The following PIK3R5 variants were observed in gnomAD, a reference collection of about 807,000 sequenced individuals.
The protein encoded by PIK3R5 is phosphoinositide 3-kinase regulatory subunit 5.
PIK3R5 carries 32 observed loss-of-function variants against 94.9 expected under a neutral mutation model. That is an observed-to-expected ratio of 0.34 (90% CI 0.25 to 0.45). The LOEUF (loss-of-function observed/expected upper bound fraction) is 0.45. PIK3R5 is among the 20% of genes least tolerant of loss of function. The pLI is 1.00. For synonymous variants in PIK3R5, 443 were observed against 479.4 expected (o/e 0.92, Z 0.99); for missense variants, 853 against 1,144.6 (o/e 0.75, Z 3.68).
Position 8,956,824 on chromosome 17 carries a change from G to A in PIK3R5, c.-14+8772C>T, listed in dbSNP as rs554858548. Among the ~76,000 whole-genome samples, 133 of 152,304 alleles carry A rather than the reference G, an allele frequency of 8.7e-4. 1 individual carries two copies. Among genetic ancestry groups the A allele is most frequent in the African/African-American group, 2.9e-3 (120 of 41,556 alleles). On this transcript the variant is annotated intron_variant, in intron 1 of 18. Coordinates refer to ENST00000447110, the MANE Select transcript of PIK3R5 (RefSeq NM_001142633.3). The stretch of plus-strand genomic sequence containing the variant: ...CCAAGATCTTATCTGGGACACTCAC[G>A]GAGGAAGGCAATTTTGAAATGGTGT...
Position 8,921,476 on chromosome 17 carries a change from G to A in PIK3R5, c.-13-9969C>T, listed in dbSNP as rs187042530. On this transcript the variant is annotated intron_variant, in intron 1 of 18. Transcript: ENST00000447110. ...GCATAATTCATAATTTTTCACCCTC[G>A]AAATGTTCATAGAAACCCAAGAAAA... is the stretch of plus-strand genomic sequence containing the variant. Among the ~76,000 whole-genome samples, 5 of 152,036 alleles carry A rather than the reference G, an allele frequency of 3.3e-5. No individual in the cohort carries two copies. The East Asian group carries it at 5.8e-4, about 18-fold the overall frequency.
chr17:8,950,751 T>C (rs1383628491), intron 1 of PIK3R5, among the ~76,000 whole-genome samples: 2 of 152,222 alleles, frequency 1.3e-5, no homozygotes, highest in African/African-American at 2.4e-5. Flanking sequence ...AGTGGGGTGA[T>C]GAACACATGT....
At chr17:8,950,065 T>C (rs2091349495) in intron 1 of PIK3R5, among the ~76,000 whole-genome samples, 1 of 152,178 alleles carries the variant, frequency 6.6e-6, no homozygotes, top group East Asian at 1.9e-4. Context: ...ATGGATTCAC[T>C]GACTAAAGAG....
At chr17:8,885,079 C>A in intron 14 of PIK3R5, 1 of 401,968 alleles carries the variant, frequency 2.5e-6, no homozygotes, top group Non-Finnish European at 4.7e-6. Flanking sequence ...CAGGGTCCTG[C>A]CTCTCCAGGG....
At position 8,905,713 on chromosome 17, in the gene PIK3R5, G is replaced by A. The variant is rs2151401449; in HGVS notation, c.229C>T (p.Leu77=). The A allele has an allele frequency of 6.2e-7, 1 of 1,606,058 alleles. No homozygotes were observed. ...AAGAGCAGGGCCAGCGGGGTGAGCA[G>A]GTCGTAGGTGCCCTTCTCCTGGACC... The part of the protein sequence containing the change: ...REVQEKGTYD[L]LTPLALLFYS... The change falls in exon 4 of 19, where the codon CTG becomes TTG. Residue 77 remains leucine (L), a synonymous_variant. Coordinates refer to ENST00000447110, the MANE Select transcript of PIK3R5 (RefSeq NM_001142633.3).
intron 1 of PIK3R5, among the ~76,000 whole-genome samples, chr17:8,912,186 GAA>G (rs1189940206): frequency 5.3e-5 from 8 of 152,296 alleles, no homozygotes; most frequent in Non-Finnish European, 1.2e-4. Flanking sequence ...GAAAGTCACT[GAA>G]GAGGGAATTT....
intron 3 of PIK3R5, among the ~76,000 whole-genome samples, chr17:8,908,530 A>AC (rs2090443314): frequency 1.5e-5 from 2 of 136,582 alleles, no homozygotes; most frequent in Non-Finnish European, 3.1e-5. Context: ...AAATAATTAA[A>AC]ACACACACAC....
chr17:8,905,618 G>A (rs373928853), intron 4 of PIK3R5, 51 bp downstream of exon 4: 68 of 1,392,006 alleles, frequency 4.9e-5, no homozygotes, highest in Admixed American at 3.3e-4. Context: ...GATAGAGGTC[G>A]CTCCTCCCCC....
rs560751169 is a variant in PIK3R5, at chr17:8,905,037, G to A, written c.274-122C>T. The A allele has an allele frequency of 7.3e-5, 79 of 1,083,864 alleles. 1 individual carries two copies. Among genetic ancestry groups the A allele is most frequent in the African/African-American group, 4.5e-4 (29 of 64,696 alleles). The allele number at this position is 1,083,864 out of a possible 1,614,324, so 67.1% of individuals were successfully genotyped here. A position where few individuals can be genotyped will look rare whatever the true frequency, so the allele number is the denominator to read the frequency against. On this transcript the variant is annotated intron_variant, in intron 4 of 18. Transcript: ENST00000447110. Reference sequence around the variant, plus strand: ...AAGACACACATTTCCTGGCCGCAGCGTGTCCCAGGACAAGGTCAGGTGGAA... The same window carrying A: ...AAGACACACATTTCCTGGCCGCAGCATGTCCCAGGACAAGGTCAGGTGGAA...
intron 1 of PIK3R5, among the ~76,000 whole-genome samples, chr17:8,928,032 C>A (rs892904949): frequency 6.6e-6 from 1 of 152,118 alleles, no homozygotes; most frequent in Non-Finnish European, 1.5e-5. Flanking sequence ...GTACAGCCTG[C>A]GGAACTGTGA....
intron 1 of PIK3R5, among the ~76,000 whole-genome samples, chr17:8,930,018 C>T (rs1290839353): frequency 6.6e-6 from 1 of 152,188 alleles, no homozygotes; most frequent in Non-Finnish European, 1.5e-5. Flanking sequence ...CTTCTCTCAA[C>T]CACTGATAGA....
chr17:8,957,594 A>T (rs2091485252), intron 1 of PIK3R5, among the ~76,000 whole-genome samples: 1 of 152,246 alleles, frequency 6.6e-6, no homozygotes, highest in South Asian at 2.1e-4. Context: ...AGCACCTGGA[A>T]TTCACTCAAG....
chr17:8,961,007 T>TC (rs2091553845), intron 1 of PIK3R5, among the ~76,000 whole-genome samples: 1 of 151,800 alleles, frequency 6.6e-6, no homozygotes, highest in Admixed American at 6.6e-5. Flanking sequence ...AGGTCACTGG[T>TC]CCCCCTGTAG....
chr17:8,906,229 C>A (rs867553385), intron 3 of PIK3R5, among the ~76,000 whole-genome samples: 2 of 152,230 alleles, frequency 1.3e-5, no homozygotes, highest in South Asian at 4.1e-4. Context: ...TGTTCAAATC[C>A]CACTTATGAG....
chr17:8,920,401 G>T (rs535093572), intron 1 of PIK3R5, among the ~76,000 whole-genome samples: 2 of 152,294 alleles, frequency 1.3e-5, no homozygotes, highest in African/African-American at 4.8e-5. Context: ...CCACTCTACA[G>T]ATATGAAAAC....
Position 8,893,784 on chromosome 17 carries a change from G to A in PIK3R5, c.413-129C>T, listed in dbSNP as rs966775603. The A allele has an allele frequency of 3.2e-5, 22 of 693,074 alleles. No homozygotes were observed. The highest frequency in any genetic ancestry group is 8.3e-5 in the South Asian group (5 of 60,490). 42.9% of individuals were successfully genotyped at this position (693,074 alleles called of 1,614,324 possible). A position where few individuals can be genotyped will look rare whatever the true frequency, so the allele number is the denominator to read the frequency against. On this transcript the variant is annotated intron_variant, in intron 5 of 18. Transcript: ENST00000447110. This position sits in a 1 kb window ranked among gnomAD's most constrained non-coding sequence, Gnocchi z 5.1. ...CGGATGGAGCTCAGGCGAACCTGCA[G>A]AGAAGCTGTTCTGTGGACCCTCCAG...
chr17:8,934,115 G>GTA (rs1175285740), intron 1 of PIK3R5, among the ~76,000 whole-genome samples: 3 of 152,160 alleles, frequency 2.0e-5, no homozygotes, highest in African/African-American at 7.2e-5. Context: ...GAAAAAACAC[G>GTA]TATATATCAG....
intron 5 of PIK3R5, among the ~76,000 whole-genome samples, chr17:8,902,960 C>T (rs1018649441): frequency 6.6e-6 from 1 of 151,812 alleles, no homozygotes. Flanking sequence ...ATTCTCCTGC[C>T]TCAGCCTCCT....
intron 1 of PIK3R5, among the ~76,000 whole-genome samples, chr17:8,954,565 G>A (rs1220215865): frequency 6.6e-6 from 1 of 152,188 alleles, no homozygotes; most frequent in Non-Finnish European, 1.5e-5. Context: ...CTTGTTGGGG[G>A]AAGGTTCCCC....
Sources: allele counts gnomAD v4.1 joint callset (sites outside exome capture counted in the v4.1 genomes callset), GRCh38; gene constraint gnomAD v4.1.1; non-coding constraint Gnocchi (gnomAD v3.1); transcripts MANE v1.5; gene names NCBI Gene and HGNC (gene_info 2026-07-23, HGNC 2026-07-21).